The following SLC9A8 variants were observed in gnomAD, a reference collection of about 807,000 sequenced individuals.
SLC9A8 encodes the protein solute carrier family 9 member A8.
A neutral mutation model predicts 66.6 loss-of-function variants in SLC9A8; 48 were observed. The observed-to-expected ratio is 0.72, with a 90% CI of 0.57 to 0.92. The LOEUF (loss-of-function observed/expected upper bound fraction) is 0.92, where lower values mean the gene tolerates loss of function less well. Among genes scored for constraint, SLC9A8 ranks in the 40% least tolerant of loss-of-function variants. SLC9A8 has a pLI of 0.00. For synonymous variants in SLC9A8, 274 were observed against 282.6 expected, an observed-to-expected ratio of 0.97 and a Z score of 0.31; for missense variants, 599 against 747.3, an observed-to-expected ratio of 0.80 and a Z score of 2.31.
chr20:49,830,492 C>G (rs1253625381), intron 3 of SLC9A8: 1 of 780,308 alleles, frequency 1.3e-6, no homozygotes, highest in South Asian at 1.5e-5. Flanking sequence ...CTGGAAAGTG[C>G]TACGTGGACA....
intron 2 of SLC9A8, among the ~76,000 whole-genome samples, chr20:49,822,368 T>C (rs901333311): frequency 1.0e-4 from 16 of 152,388 alleles, no homozygotes; most frequent in African/African-American, 3.6e-4. Flanking sequence ...TTCATTGACT[T>C]CCTCTTCACC....
intron 5 of SLC9A8, among the ~76,000 whole-genome samples, chr20:49,848,830 A>G (rs1361357731): frequency 6.6e-6 from 1 of 152,166 alleles, no homozygotes; most frequent in Admixed American, 6.5e-5. Flanking sequence ...TGGATGTGAA[A>G]CACAGTTAAT....
At chr20:49,821,968 T>C (rs1200479384) in intron 2 of SLC9A8, among the ~76,000 whole-genome samples, 1 of 152,192 alleles carries the variant, frequency 6.6e-6, no homozygotes, top group Non-Finnish European at 1.5e-5. Flanking sequence ...GGAATCTGAC[T>C]CAATACTGCA....
chr20:49,830,116 C>T, intron 3 of SLC9A8: 1 of 742,326 alleles, frequency 1.3e-6, no homozygotes, highest in Non-Finnish European at 2.5e-6. Flanking sequence ...CAAGCCATCT[C>T]TGTCTGTTAC....
intron 13 of SLC9A8, 68 bp downstream of exon 13, chr20:49,881,103 C>T: frequency 9.0e-7 from 1 of 1,111,658 alleles, no homozygotes; most frequent in Non-Finnish European, 1.4e-6. Context: ...ACAGGGAGAG[C>T]TGTGGTTCTC....
chr20:49,813,856 AG>A (rs1393945316), intron 1 of SLC9A8, among the ~76,000 whole-genome samples: 1 of 151,922 alleles, frequency 6.6e-6, no homozygotes, highest in Non-Finnish European at 1.5e-5. Context: ...GTAGAGAGGA[AG>A]GGGGTTAGCT....
At chr20:49,855,672 T>TGGA in intron 8 of SLC9A8, 91 bp downstream of exon 8, 1 of 1,249,058 alleles carries the variant, frequency 8.0e-7, no homozygotes, top group Non-Finnish European at 1.1e-6. Flanking sequence ...ACAGCATGTG[T>TGGA]ACAGTTGCTT....
At chr20:49,873,536 A>G (rs533497027) in intron 10 of SLC9A8, among the ~76,000 whole-genome samples, 3 of 150,622 alleles carry the variant, frequency 2.0e-5, no homozygotes, top group Non-Finnish European at 2.9e-5. Flanking sequence ...CTGTAATCCC[A>G]GCACATTGGC....
At chr20:49,850,406 G>T (rs769134855) in intron 6 of SLC9A8, among the ~76,000 whole-genome samples, 1 of 152,118 alleles carries the variant, frequency 6.6e-6, no homozygotes, top group Non-Finnish European at 1.5e-5. Flanking sequence ...TCTGAGTGAC[G>T]GGCAGATTTC....
chr20:49,860,676 G>A (rs1205969118), intron 8 of SLC9A8, among the ~76,000 whole-genome samples: 1 of 152,066 alleles, frequency 6.6e-6, no homozygotes. Context: ...AGCTGAGATC[G>A]CACCACTGCA....
chr20:49,840,841 C>T (rs1399580432), intron 4 of SLC9A8, among the ~76,000 whole-genome samples: 4 of 151,970 alleles, frequency 2.6e-5, no homozygotes, highest in African/African-American at 4.8e-5. Context: ...CAAGGCTGGG[C>T]GTTGGCGGCT....
chr20:49,879,062 G>A (rs2089534499), intron 12 of SLC9A8, among the ~76,000 whole-genome samples: 1 of 152,158 alleles, frequency 6.6e-6, no homozygotes, highest in Non-Finnish European at 1.5e-5. Flanking sequence ...GTGGCCACTG[G>A]GGAAAAGGGA....
chr20:49,838,711 G>A (rs751116907), intron 3 of SLC9A8, among the ~76,000 whole-genome samples: 6 of 152,110 alleles, frequency 3.9e-5, no homozygotes, highest in African/African-American at 1.4e-4. Context: ...TGAAGTCTTC[G>A]TTTTGAAGCA....
chr20:49,883,834 G>C lies in SLC9A8; in HGVS notation c.1271-12G>C. The C allele has an allele frequency of 6.3e-7, 1 of 1,598,980 alleles. No individual in the cohort carries two copies. Among genetic ancestry groups the C allele is most frequent in the South Asian group, 1.1e-5 (1 of 90,826 alleles). On this transcript the variant is annotated splice_polypyrimidine_tract_variant and intron_variant, in intron 13 of 15. Transcript: ENST00000361573. ...TTCACTGTGTCCTCTCACACTGTTT[G>C]CTGTCACCCAGGCCTGCGGGGAGCC... is the stretch of plus-strand genomic sequence containing the variant.
chr20:49,874,468 CTG>C (rs1233162262), intron 10 of SLC9A8, among the ~76,000 whole-genome samples: 3 of 152,196 alleles, frequency 2.0e-5, no homozygotes, highest in Non-Finnish European at 4.4e-5. Context: ...GAAGCGGAAA[CTG>C]AGGCTCTGAT....
chr20:49,870,549 C>G (rs755301791), intron 10 of SLC9A8, among the ~76,000 whole-genome samples: 2 of 152,134 alleles, frequency 1.3e-5, no homozygotes, highest in Non-Finnish European at 2.9e-5. Flanking sequence ...GGCCAGGACG[C>G]TGCCTCACAG....
intron 3 of SLC9A8, among the ~76,000 whole-genome samples, chr20:49,827,881 G>A (rs1348155027): frequency 6.6e-6 from 1 of 151,948 alleles, no homozygotes; most frequent in African/African-American, 2.4e-5. Flanking sequence ...ATATACAAAA[G>A]TGCTCCCCTG....
chr20:49,881,050 G>A lies in SLC9A8; in HGVS notation c.1270+15G>A. 1 of 1,554,864 alleles carries A rather than the reference G, an allele frequency of 6.4e-7. No homozygotes were observed. The highest frequency in any genetic ancestry group is 8.9e-7 in the Non-Finnish European group (1 of 1,126,046). On this transcript the variant is annotated intron_variant, in intron 13 of 15. Coordinates refer to ENST00000361573, the MANE Select transcript of SLC9A8 (RefSeq NM_015266.3). ...GTGGTTTAGTGGTAAGTCAAATCTT[G>A]GATAAATGGGGTGGGGAAGTACCTG...
rs1374132539 is a variant in SLC9A8 at position 49,884,256 on chromosome 20, CACG to C, written c.1491+193_1491+195del. Reference sequence around the variant, plus strand: ...CACACACACACGACACACACACACACACGACACACACACACACGACACACACAC... The same window carrying C: ...CACACACACACGACACACACACACACACACACACACACACGACACACACAC... On this transcript the variant is annotated intron_variant, in intron 14 of 15. Coordinates refer to ENST00000361573, the MANE Select transcript of SLC9A8 (RefSeq NM_015266.3). 3.2e-4 allele frequency: 92 copies of C among 285,488 alleles called. 1 individual carries two copies. Among genetic ancestry groups the C allele is most frequent in the Middle Eastern group, 1.0e-3 (1 of 986 alleles). 17.7% of individuals were successfully genotyped at this position (285,488 alleles called of 1,614,324 possible).
Sources: gnomAD v4.1 joint callset for allele counts (sites outside exome capture counted in the v4.1 genomes callset) on GRCh38, gnomAD v4.1.1 for gene constraint, MANE v1.5 for transcripts, NCBI Gene and HGNC (gene_info 2026-07-23, HGNC 2026-07-21) for gene names.